Variants in NTN4 observed in about 807,000 individuals in gnomAD.
The protein encoded by NTN4 is netrin-4.
NTN4 carries 32 observed loss-of-function variants against 73.6 expected under a neutral mutation model. The observed-to-expected ratio is 0.44, with a 90% CI of 0.33 to 0.58. The LOEUF (loss-of-function observed/expected upper bound fraction) is 0.58. Among genes scored for constraint, NTN4 ranks in the 20% least tolerant of loss-of-function variants. The pLI, the probability that NTN4 is intolerant of heterozygous loss-of-function variation, is 0.04. For synonymous variants in NTN4, 258 were observed against 287.5 expected (o/e 0.90, Z 1.04); for missense variants, 654 against 798.3 (o/e 0.82, Z 2.18).
rs373843013 is a variant in NTN4, at chr12:95,683,729, C to A, written c.1181-18G>T. The A allele has an allele frequency of 3.8e-6, 6 of 1,572,818 alleles. No homozygotes were observed. In the South Asian group the frequency reaches 6.9e-5, roughly 18 times the overall value. On this transcript the variant is annotated intron_variant, in intron 5 of 9. Coordinates refer to ENST00000343702, the MANE Select transcript of NTN4 (RefSeq NM_021229.4). ...GGAACACGCTACAACAGAGAGGACA[C>A]GCAAGGATCAAAGACTGACTGTAGA...
At chr12:95,748,778 T>C (rs2078881576) in intron 2 of NTN4, among the ~76,000 whole-genome samples, 2 of 152,170 alleles carry the variant, frequency 1.3e-5, no homozygotes, top group Non-Finnish European at 2.9e-5. Flanking sequence ...GCCCTATTTA[T>C]ATATATAAAA....
chr12:95,696,781 T>A (rs2078445561), intron 5 of NTN4, among the ~76,000 whole-genome samples: 1 of 152,144 alleles, frequency 6.6e-6, no homozygotes, highest in African/African-American at 2.4e-5. Context: ...ACTCAAATGG[T>A]CAAAACAAAG....
chr12:95,704,836 A>T (rs1194192365), intron 5 of NTN4, among the ~76,000 whole-genome samples: 1 of 152,144 alleles, frequency 6.6e-6, no homozygotes, highest in Non-Finnish European at 1.5e-5. Flanking sequence ...TTTCCTAGGG[A>T]AGCCTACCCA....
chr12:95,676,083 A>G (rs371737972), intron 7 of NTN4, among the ~76,000 whole-genome samples: 1 of 152,280 alleles, frequency 6.6e-6, no homozygotes, highest in African/African-American at 2.4e-5. Context: ...GATTAGAGAT[A>G]ATCAGTAAAC....
intron 7 of NTN4, among the ~76,000 whole-genome samples, chr12:95,671,738 C>G (rs1186164722): frequency 6.6e-6 from 1 of 152,202 alleles, no homozygotes; most frequent in Non-Finnish European, 1.5e-5. Context: ...TTCGTTTCCT[C>G]TCTAGACTGT....
intron 1 of NTN4, among the ~76,000 whole-genome samples, chr12:95,788,793 G>T (rs972117573): frequency 4.6e-5 from 7 of 152,118 alleles, no homozygotes; most frequent in Non-Finnish European, 4.4e-5. Context: ...CTCATTAGCT[G>T]GGGCAACAGT....
intron 2 of NTN4, among the ~76,000 whole-genome samples, chr12:95,760,309 G>T (rs1286524653): frequency 6.6e-6 from 1 of 152,160 alleles, no homozygotes; most frequent in African/African-American, 2.4e-5. Context: ...TACTAAGAAT[G>T]GTTCAACTAC....
chr12:95,701,889 G>A (rs1001829183), intron 5 of NTN4, among the ~76,000 whole-genome samples: 3 of 152,120 alleles, frequency 2.0e-5, no homozygotes, highest in African/African-American at 4.8e-5. Context: ...GCCCAGGTAC[G>A]TATTTTATTA....
At chr12:95,738,560 C>T (rs893278591) in intron 2 of NTN4, among the ~76,000 whole-genome samples, 20 of 152,224 alleles carry the variant, frequency 1.3e-4, no homozygotes, top group Admixed American at 2.6e-4. Flanking sequence ...GGACAGAGAG[C>T]AGGTGTGAGA....
At chr12:95,744,000 C>T (rs1354161274) in intron 2 of NTN4, among the ~76,000 whole-genome samples, 1 of 152,134 alleles carries the variant, frequency 6.6e-6, no homozygotes, top group Non-Finnish European at 1.5e-5. Flanking sequence ...CTCCTGGGTT[C>T]AAGTGATTCT....
At position 95,710,680 on chromosome 12, in the gene NTN4, T is replaced by C. The variant is rs773266919; in HGVS notation, c.992-51A>G. ...ACACTAATAAGTAAAAATAAAATGATGGGTTATCTCATATTCAGATAGGTA... is the reference window on the plus strand; with the variant it reads ...ACACTAATAAGTAAAAATAAAATGACGGGTTATCTCATATTCAGATAGGTA... On this transcript the variant is annotated intron_variant, in intron 4 of 9. Coordinates refer to ENST00000343702, the MANE Select transcript of NTN4 (RefSeq NM_021229.4). 2.6e-6 allele frequency: 4 copies of C among 1,547,838 alleles called. No homozygotes were observed. The East Asian group carries it at 9.0e-5, about 35-fold the overall frequency.
intron 5 of NTN4, among the ~76,000 whole-genome samples, chr12:95,708,013 G>A (rs937357861): frequency 6.6e-6 from 1 of 152,054 alleles, no homozygotes; most frequent in African/African-American, 2.4e-5. Context: ...GTACAAAATG[G>A]TGTCAGGACT....
At position 95,787,382 on chromosome 12, in the gene NTN4, A is replaced by G. The variant is rs757560280; in HGVS notation, c.142T>C (p.Trp48Arg). The change falls in exon 2 of 10, where the codon TGG (tryptophan) becomes CGG (arginine). Residue 48 changes from tryptophan to arginine, a missense_variant. By Grantham distance (101) the Trp-to-Arg change is moderately radical. Coordinates refer to ENST00000343702, the MANE Select transcript of NTN4 (RefSeq NM_021229.4). ...TTCTGACCGCAGGTGGTGTCTGCCCAGAGTTTTCGCCCCAAAGCCAAATTT... is the reference window on the plus strand; with the variant it reads ...TTCTGACCGCAGGTGGTGTCTGCCCGGAGTTTTCGCCCCAAAGCCAAATTT... The part of the protein sequence containing the change: ...MGNLALGRKL[W>R]ADTTCGQNAT... The G allele has an allele frequency of 1.2e-6, 2 of 1,614,112 alleles. No homozygotes were observed. Among genetic ancestry groups the G allele is most frequent in the Admixed American group, 1.7e-5 (1 of 60,006 alleles).
chr12:95,674,168 AAAAAG>A (rs2078255797), intron 7 of NTN4, among the ~76,000 whole-genome samples: 1 of 152,032 alleles, frequency 6.6e-6, no homozygotes, highest in Non-Finnish European at 1.5e-5. Flanking sequence ...CTGCCAAAAA[AAAAAG>A]AAAAGAAATT....
At chr12:95,671,013 T>G (rs901537649) in intron 7 of NTN4, 1 of 152,152 alleles carries the variant, frequency 6.6e-6, no homozygotes, top group African/African-American at 2.4e-5. Context: ...TTTATTTATC[T>G]ATCGAGATGG....
At chr12:95,721,776 A>AT (rs945774195) in intron 3 of NTN4, among the ~76,000 whole-genome samples, 1 of 152,208 alleles carries the variant, frequency 6.6e-6, no homozygotes, top group South Asian at 2.1e-4. Context: ...GCTTATTTCC[A>AT]TTTTTTCATG....
intron 2 of NTN4, among the ~76,000 whole-genome samples, chr12:95,775,561 C>T (rs768995841): frequency 3.9e-5 from 6 of 152,352 alleles, no homozygotes; most frequent in East Asian, 1.9e-4. Context: ...GAGGGTCCCA[C>T]GCCCACAGAG....
At chr12:95,675,393 T>C (rs748531299) in intron 7 of NTN4, among the ~76,000 whole-genome samples, 11 of 152,184 alleles carry the variant, frequency 7.2e-5, no homozygotes, top group Admixed American at 1.3e-4. Flanking sequence ...AAAATGTGGA[T>C]TGATGGGTGG....
intron 2 of NTN4, among the ~76,000 whole-genome samples, chr12:95,742,280 T>A (rs967162776): frequency 6.6e-6 from 1 of 151,678 alleles, no homozygotes; most frequent in Non-Finnish European, 1.5e-5. Flanking sequence ...TGGATCACAA[T>A]GTCAGGAGTT....
Sources: gnomAD v4.1 joint callset for allele counts (sites outside exome capture counted in the v4.1 genomes callset) on GRCh38, gnomAD v4.1.1 for gene constraint, MANE v1.5 for transcripts, NCBI Gene and HGNC (gene_info 2026-07-23, HGNC 2026-07-21) for gene names.